XRN1: variants seen among roughly 807,000 people sequenced by gnomAD.
XRN1 encodes 5'-3' exoribonuclease 1.
A neutral mutation model predicts 222.3 loss-of-function variants in XRN1; 67 were observed. That is an observed-to-expected ratio of 0.30 (90% CI 0.25 to 0.37). XRN1 has a LOEUF of 0.37. XRN1 is among the 10% of genes least tolerant of loss of function. The probability of loss-of-function intolerance (pLI) is 1.00; values close to 1 mark genes in which losing one functional copy is unlikely to be tolerated. For missense variants in XRN1, 1,707 were observed against 2,000.2 expected (o/e 0.85, Z 2.80); for synonymous variants, 643 against 652.4 (o/e 0.99, Z 0.22).
Position 142,403,790 on chromosome 3 carries a change from TA to T in XRN1, c.2005-19del. The T allele has an allele frequency of 1.2e-6, 2 of 1,610,174 alleles. No homozygotes were observed. Among genetic ancestry groups the T allele is most frequent in the Non-Finnish European group, 1.7e-6 (2 of 1,177,728 alleles). On this transcript the variant is annotated intron_variant, in intron 17 of 40. Transcript: ENST00000392981. ...AAAAAAAACTTTAAAAGAATTCAAA[TA>T]ATTTAATTTTAATTCTTTCTCCATA...
chr3:142,333,160 T>C lies in XRN1; in HGVS notation c.3940-71A>G, dbSNP rs2065751794. Reference sequence around the variant, plus strand: ...AGAACACACAAAAAGCTGAGTTTTATGTACAAAAATGGTCATTCGATTTTC... The same window carrying C: ...AGAACACACAAAAAGCTGAGTTTTACGTACAAAAATGGTCATTCGATTTTC... On this transcript the variant is annotated intron_variant, in intron 34 of 40. Transcript: ENST00000392981. The C allele has an allele frequency of 6.7e-6, 10 of 1,494,406 alleles. No homozygotes were observed. In the East Asian group the frequency reaches 9.6e-5, roughly 14 times the overall value. 92.6% of individuals were successfully genotyped at this position (1,494,406 alleles called of 1,614,324 possible).
chr3:142,339,886 A>G (rs905273066), intron 33 of XRN1, among the ~76,000 whole-genome samples: 4 of 152,230 alleles, frequency 2.6e-5, no homozygotes, highest in African/African-American at 4.8e-5. Context: ...TAACACAGAG[A>G]AAGAATCAGA....
chr3:142,328,710 TA>T (rs1225018983), intron 37 of XRN1, among the ~76,000 whole-genome samples: 246 of 1,090 alleles, frequency 0.23, 18 homozygotes, highest in African/African-American at 0.39. Context: ...ATATTATATA[TA>T]TATATATATA....
At chr3:142,408,940 T>C (rs1400321602) in intron 15 of XRN1, among the ~76,000 whole-genome samples, 2 of 152,242 alleles carry the variant, frequency 1.3e-5, no homozygotes, top group East Asian at 1.9e-4. Flanking sequence ...TACATTTACC[T>C]GATGCCTAAT....
At chr3:142,385,403 A>G (rs1216662797) in intron 20 of XRN1, among the ~76,000 whole-genome samples, 1 of 152,230 alleles carries the variant, frequency 6.6e-6, no homozygotes, top group East Asian at 1.9e-4. Flanking sequence ...TTTATATGAA[A>G]CATCTAAAAT....
At position 142,425,477 on chromosome 3, in the gene XRN1, G is replaced by A; in HGVS notation, c.468C>T (p.Ser156=). 1 of 1,613,336 alleles carries A rather than the reference G, an allele frequency of 6.2e-7. No individual in the cohort carries two copies. The highest frequency in any genetic ancestry group is 2.2e-5 in the East Asian group (1 of 44,816). Residue 156 remains serine, a synonymous_variant, in exon 4 of 41, where the codon TCC becomes TCT. Coordinates refer to ENST00000392981, the MANE Select transcript of XRN1 (RefSeq NM_001282857.2). ...HLKYFVNMKI[S]TDKSWQGVTI... is the part of the protein sequence containing the mutation. ...TAACTCCTTGCCATGACTTGTCTGT[G>A]GAAATTTTCATATTTACAAAATACT...
At chr3:142,442,318 TAGAA>T (rs1207455981) in intron 1 of XRN1, among the ~76,000 whole-genome samples, 1 of 151,438 alleles carries the variant, frequency 6.6e-6, no homozygotes, top group East Asian at 1.9e-4. Flanking sequence ...GAACGGGAAA[TAGAA>T]AGGAACCGCC....
chr3:142,374,790 T>C lies in XRN1; in HGVS notation c.2978+1008A>G, dbSNP rs185576457. Among the ~76,000 whole-genome samples, 6 of 152,340 alleles carry C rather than the reference T, an allele frequency of 3.9e-5. No homozygotes were observed. In the East Asian group the frequency reaches 1.2e-3, roughly 29 times the overall value. ...TTCCAGATGGTAATATGGGATTGAA[T>C]TGTGTCCTGCCCCACTCAGAAGTTA... On this transcript the variant is annotated intron_variant, in intron 25 of 40. Transcript: ENST00000392981.
At chr3:142,313,653 G>T (rs1332066939) in intron 39 of XRN1, among the ~76,000 whole-genome samples, 4 of 152,188 alleles carry the variant, frequency 2.6e-5, no homozygotes, top group Non-Finnish European at 4.4e-5. Context: ...TAGGAGAGAA[G>T]AATCATAATA....
rs1008783623 is a variant in XRN1, at chr3:142,324,074, GT to G, written c.4405-5172del. On this transcript the variant is annotated intron_variant, in intron 37 of 40. Transcript: ENST00000392981. ...GTTATTTTAAAATATATATTATTGG[GT>G]TTTTTTTCAGTTTTTTTTTTATTAT... 5.4e-5 allele frequency among the ~76,000 whole-genome samples: 8 copies of G among 146,950 alleles called. No homozygotes were observed. In the East Asian group the frequency reaches 1.4e-3, roughly 26 times the overall value.
At chr3:142,383,504 G>A in intron 21 of XRN1, 91 bp from the exon 22 acceptor site, 2 of 1,073,628 alleles carry the variant, frequency 1.9e-6, no homozygotes, top group South Asian at 3.1e-5. Context: ...TATGCTGTTT[G>A]CAAATGTCAA....
chr3:142,432,196 AT>A (rs1184451648), intron 2 of XRN1, among the ~76,000 whole-genome samples: 1 of 104,444 alleles, frequency 9.6e-6, no homozygotes, highest in Non-Finnish European at 2.1e-5. Flanking sequence ...TATAAAATTT[AT>A]TTTATATATA....
intron 18 of XRN1, among the ~76,000 whole-genome samples, chr3:142,401,539 C>T (rs2068130918): frequency 6.6e-6 from 1 of 151,976 alleles, no homozygotes; most frequent in Non-Finnish European, 1.5e-5. Flanking sequence ...ATGGTGAAAC[C>T]CGGTCTCTAC....
intron 16 of XRN1, among the ~76,000 whole-genome samples, 197 bp from the exon 17 acceptor site, chr3:142,404,186 A>G (rs539090930): frequency 2.6e-5 from 4 of 152,254 alleles, no homozygotes; most frequent in Admixed American, 2.0e-4. Context: ...TCATGCCTGT[A>G]GATTACTAAG....
At position 142,309,832 on chromosome 3, in the gene XRN1, C is replaced by T. The variant is rs1256072736; in HGVS notation, c.*1679G>A. On this transcript the variant is annotated 3_prime_UTR_variant, in exon 41 of 41. Transcript: ENST00000392981. ...ACATTACTGTCACAATTTAACTTTT[C>T]TTTGTATTACCATAATAGATGTTTC... The T allele has an allele frequency of 2.0e-5, 3 of 152,142 alleles. No homozygotes were observed. Among genetic ancestry groups the T allele is most frequent in the African/African-American group, 7.2e-5 (3 of 41,424 alleles). 9.4% of individuals were successfully genotyped at this position (152,142 alleles called of 1,614,324 possible). A position where few individuals can be genotyped will look rare whatever the true frequency, so the allele number is the denominator to read the frequency against.
chr3:142,379,213 C>T (rs760236277), intron 23 of XRN1, among the ~76,000 whole-genome samples: 58 of 152,100 alleles, frequency 3.8e-4, no homozygotes, highest in Non-Finnish European at 7.9e-4. Flanking sequence ...AGAGGTTGCA[C>T]TGAGCCAAGA....
chr3:142,364,912 T>A (rs1307165098), intron 29 of XRN1, 135 bp downstream of exon 29: 2 of 953,274 alleles, frequency 2.1e-6, no homozygotes, highest in African/African-American at 2.2e-5. Flanking sequence ...CTAAAAAAAA[T>A]TTAACTAAAA....
intron 30 of XRN1, 26 bp downstream of exon 30, chr3:142,359,836 G>C: frequency 6.6e-7 from 1 of 1,513,908 alleles, no homozygotes. Context: ...ATTCACAAAG[G>C]GCAATTATCA....
At chr3:142,355,322 AATC>A (rs566567982) in intron 32 of XRN1, 76 bp downstream of exon 32, 4 of 715,850 alleles carry the variant, frequency 5.6e-6, no homozygotes, top group Non-Finnish European at 8.2e-6. Flanking sequence ...ACAGAAAAAT[AATC>A]ATTGTAGTCT....
Sources: gnomAD v4.1 joint callset for allele counts (sites outside exome capture counted in the v4.1 genomes callset) on GRCh38, gnomAD v4.1.1 for gene constraint, MANE v1.5 for transcripts, NCBI Gene and HGNC (gene_info 2026-07-23, HGNC 2026-07-21) for gene names.